Variants in MAGI2 observed in about 807,000 individuals in gnomAD.
The protein encoded by MAGI2 is membrane associated guanylate kinase, WW and PDZ domain containing 2, also known as membrane-associated guanylate kinase, WW and PDZ domain-containing protein 2.
MAGI2 carries 35 observed loss-of-function variants against 133.3 expected under a neutral mutation model. The ratio of observed to expected loss-of-function variants is 0.26; its 90% confidence interval spans 0.20 to 0.35. MAGI2 has a LOEUF of 0.35. MAGI2 is among the 10% of genes least tolerant of loss of function. MAGI2 has a pLI of 1.00. For synonymous variants in MAGI2, 729 were observed against 710.6 expected, an observed-to-expected ratio of 1.03 and a Z score of -0.41; for missense variants, 1,636 against 1,863.4, an observed-to-expected ratio of 0.88 and a Z score of 2.25.
At chr7:78,571,860 TAAGAA>T (rs779205328) in intron 3 of MAGI2, among the ~76,000 whole-genome samples, 8 of 152,346 alleles carry the variant, frequency 5.3e-5, no homozygotes, top group Admixed American at 1.3e-4. Context: ...GAAATTTTTC[TAAGAA>T]TAGAATATTT....
intron 2 of MAGI2, chr7:79,000,199 A>G (rs1806720990): frequency 6.6e-6 from 1 of 152,196 alleles, no homozygotes; most frequent in Non-Finnish European, 1.5e-5. Context: ...TACTCTCAAT[A>G]CATACCATTT....
intron 1 of MAGI2, chr7:79,414,789 C>T (rs1020933404): frequency 6.6e-6 from 1 of 152,020 alleles, no homozygotes; most frequent in Non-Finnish European, 1.5e-5. Context: ...AGTGTCCTTC[C>T]CTTTGTTGGG....
intron 10 of MAGI2, among the ~76,000 whole-genome samples, chr7:78,209,398 A>C (rs938303481): frequency 2.7e-5 from 4 of 149,290 alleles, no homozygotes; most frequent in African/African-American, 4.9e-5. Context: ...AGTAGCTGGG[A>C]CTACAGGCGT....
intron 1 of MAGI2, among the ~76,000 whole-genome samples, chr7:79,191,492 TA>T (rs1223518650): frequency 7.1e-6 from 1 of 141,138 alleles, no homozygotes; most frequent in Non-Finnish European, 1.5e-5. Context: ...AATCACAGCT[TA>T]TGAAGCCTGT....
At chr7:79,020,290 C>T (rs1406098526) in intron 1 of MAGI2, among the ~76,000 whole-genome samples, 9 of 152,132 alleles carry the variant, frequency 5.9e-5, no homozygotes, top group Non-Finnish European at 1.5e-5. Context: ...CAACATGTGA[C>T]TTTGGTGCTC....
At chr7:78,265,080 GT>G (rs5885047) in intron 9 of MAGI2, among the ~76,000 whole-genome samples, 11,753 of 145,348 alleles carry the variant, frequency 0.081, 1,311 homozygotes, top group African/African-American at 0.25. Context: ...TTAAAAGCTT[GT>G]TTTTTTTTTT....
chr7:79,228,973 C>A (rs929033857), intron 1 of MAGI2, among the ~76,000 whole-genome samples: 1 of 151,992 alleles, frequency 6.6e-6, no homozygotes, highest in Non-Finnish European at 1.5e-5. Context: ...GCAATGAATG[C>A]GAATTTTATT....
intron 6 of MAGI2, among the ~76,000 whole-genome samples, chr7:78,391,437 A>G (rs957978509): frequency 3.9e-5 from 6 of 152,322 alleles, no homozygotes; most frequent in African/African-American, 1.4e-4. Flanking sequence ...AGCCTATTTC[A>G]TTTTATTTGA....
At chr7:78,887,576 T>C (rs755054109) in intron 2 of MAGI2, among the ~76,000 whole-genome samples, 19 of 152,246 alleles carry the variant, frequency 1.2e-4, no homozygotes, top group Non-Finnish European at 1.5e-5. Context: ...TCATCGTAGG[T>C]GGCCATTGTC....
At chr7:78,075,385 T>C (rs906216715) in intron 21 of MAGI2, among the ~76,000 whole-genome samples, 1 of 150,664 alleles carries the variant, frequency 6.6e-6, no homozygotes, top group African/African-American at 2.5e-5. Flanking sequence ...TCTTTTTTTT[T>C]TTTTTTTTTG....
intron 3 of MAGI2, among the ~76,000 whole-genome samples, chr7:78,542,046 T>G (rs1001122036): frequency 6.6e-6 from 1 of 152,214 alleles, no homozygotes; most frequent in Non-Finnish European, 1.5e-5. Context: ...TGCAGGTAGC[T>G]ACAAACAGTC....
intron 3 of MAGI2, among the ~76,000 whole-genome samples, chr7:78,581,032 A>T (rs1802782602): frequency 6.6e-6 from 1 of 152,184 alleles, no homozygotes; most frequent in South Asian, 2.1e-4. Context: ...ATGGTGAGTG[A>T]CTAGGGATGC....
chr7:78,740,003 T>C (rs112318944), intron 2 of MAGI2, among the ~76,000 whole-genome samples: 2,617 of 151,918 alleles, frequency 0.017, 28 homozygotes, highest in South Asian at 0.03. Flanking sequence ...CTAAAAAGAA[T>C]ACAAAAAATT....
rs981400570 is a variant in MAGI2 at position 79,322,727 on chromosome 7, G to A, written c.301+130293C>T. Among the ~76,000 whole-genome samples, 26 of 151,426 alleles carry A rather than the reference G, an allele frequency of 1.7e-4. 1 individual carries two copies. The highest frequency in any genetic ancestry group is 1.3e-4 in the Non-Finnish European group (9 of 67,882). ...CTTGAACCCGGGAGGCAGAGGTTGC[G>A]GTGAGCTGAGATCATGCCACTGTCA... On this transcript the variant is annotated intron_variant, in intron 1 of 21. Transcript: ENST00000354212.
At chr7:78,587,607 G>A (rs369720719) in intron 3 of MAGI2, among the ~76,000 whole-genome samples, 1 of 152,198 alleles carries the variant, frequency 6.6e-6, no homozygotes, top group African/African-American at 2.4e-5. Flanking sequence ...GTCCAACTGA[G>A]TGTTTCTGAG....
intron 6 of MAGI2, among the ~76,000 whole-genome samples, chr7:78,436,755 T>TC (rs1800326542): frequency 6.6e-6 from 1 of 152,038 alleles, no homozygotes; most frequent in African/African-American, 2.4e-5. Flanking sequence ...CCTAAGACAT[T>TC]CCCCTGATAC....
At chr7:78,044,697 G>GTGTGTGTGTA (rs879870570) in intron 21 of MAGI2, among the ~76,000 whole-genome samples, 2 of 112,336 alleles carry the variant, frequency 1.8e-5, no homozygotes, top group South Asian at 2.5e-4. Context: ...GTGTGTGTGT[G>GTGTGTGTGTA]TGTGTGTGCA....
At chr7:78,228,203 C>G (rs1471502214) in intron 10 of MAGI2, among the ~76,000 whole-genome samples, 1 of 152,170 alleles carries the variant, frequency 6.6e-6, no homozygotes, top group Non-Finnish European at 1.5e-5. Flanking sequence ...GCTCAAGAGC[C>G]ATACAAAAGC....
chr7:78,824,567 T>C (rs1790458646), intron 2 of MAGI2, among the ~76,000 whole-genome samples: 1 of 152,244 alleles, frequency 6.6e-6, no homozygotes, highest in Non-Finnish European at 1.5e-5. Context: ...GCTGCATAAA[T>C]ATCTTCTTTT....
Sources: gnomAD v4.1 joint callset for allele counts (sites outside exome capture counted in the v4.1 genomes callset) on GRCh38, gnomAD v4.1.1 for gene constraint, MANE v1.5 for transcripts, NCBI Gene and HGNC (gene_info 2026-07-23, HGNC 2026-07-21) for gene names.